Variants in ARHGEF11 observed in about 807,000 individuals in gnomAD.
ARHGEF11 encodes Rho guanine nucleotide exchange factor 11, also known as Rho guanine exchange factor (GEF) 11.
ARHGEF11 carries 55 observed loss-of-function variants against 193.7 expected under a neutral mutation model. The ratio of observed to expected loss-of-function variants is 0.28; its 90% CI spans 0.23 to 0.36. The LOEUF (loss-of-function observed/expected upper bound fraction) is 0.36. Among genes scored for constraint, ARHGEF11 ranks in the 10% least tolerant of loss-of-function variants. The pLI is 1.00. For missense variants in ARHGEF11, 1,723 were observed against 2,005.6 expected, an observed-to-expected ratio of 0.86 and a Z score of 2.69; for synonymous variants, 693 against 768.0, an observed-to-expected ratio of 0.90 and a Z score of 1.62.
At chr1:156,998,394 T>C (rs879419614) in intron 1 of ARHGEF11, among the ~76,000 whole-genome samples, 1 of 152,212 alleles carries the variant, frequency 6.6e-6, no homozygotes, top group Non-Finnish European at 1.5e-5. Flanking sequence ...GGAATTTACA[T>C]TGATATTGAG....
chr1:156,970,510 T>C (rs1409111611), intron 8 of ARHGEF11, among the ~76,000 whole-genome samples: 2 of 152,246 alleles, frequency 1.3e-5, no homozygotes, highest in East Asian at 3.8e-4. Context: ...AAAGCACTTT[T>C]CTATGTCACA....
At chr1:156,963,719 G>C in intron 11 of ARHGEF11, 125 bp from the exon 12 acceptor site, 1 of 1,485,190 alleles carries the variant, frequency 6.7e-7, no homozygotes, top group Non-Finnish European at 8.9e-7. Flanking sequence ...GTGAACGTTG[G>C]CATCTCACTC....
In ARHGEF11 at chr1:156,944,325, G is replaced by T. The variant is rs1307537291; in HGVS notation, c.3067+33C>A. On this transcript the variant is annotated intron_variant, in intron 31 of 40. Coordinates refer to ENST00000368194, the MANE Select transcript of ARHGEF11 (RefSeq NM_198236.3). ...GCCCAGGGAGGCCCACCCACTACAG[G>T]TTCCTGCTCAGTCCCAGTCCCCTGG... 1.9e-6 allele frequency: 3 copies of T among 1,609,346 alleles called. No individual in the cohort carries two copies. The African/African-American group carries it at 4.0e-5, about 22-fold the overall frequency.
At chr1:157,025,792 T>C (rs1465714142) in intron 1 of ARHGEF11, among the ~76,000 whole-genome samples, 7 of 152,132 alleles carry the variant, frequency 4.6e-5, no homozygotes, top group Non-Finnish European at 8.8e-5. Flanking sequence ...GTGTGTCCTA[T>C]GGGAACCCAG....
chr1:156,989,255 TA>T (rs1665380156), intron 1 of ARHGEF11, among the ~76,000 whole-genome samples: 5 of 152,032 alleles, frequency 3.3e-5, no homozygotes, highest in African/African-American at 9.7e-5. Context: ...AAGAAACCTT[TA>T]GGTTCTTTAT....
In ARHGEF11 at chr1:156,986,144, G is replaced by A. The variant is rs1664887921; in HGVS notation, c.62C>T (p.Ser21Phe). ...RLSSLSSLGD[S>F]APERKSPSHH... ...GGAAGGGGACTTGCGCTCTGGTGCA[G>A]AATCTCCCAGAGAAGACAGGCTACT... The change falls in exon 2 of 41, where the codon TCT becomes TTT. Residue 21 changes from serine to phenylalanine, a missense_variant. By Grantham distance (155) the Ser-to-Phe change is radical (BLOSUM62 -2). Coordinates refer to ENST00000368194, the MANE Select transcript of ARHGEF11 (RefSeq NM_198236.3). 1 of 1,613,816 alleles carries A rather than the reference G, an allele frequency of 6.2e-7. No individual in the cohort carries two copies.
intron 35 of ARHGEF11, among the ~76,000 whole-genome samples, chr1:156,940,695 C>T (rs540600200): frequency 1.3e-5 from 2 of 152,236 alleles, no homozygotes; most frequent in African/African-American, 4.8e-5. Context: ...TGTTAGAAGG[C>T]AGTAACTTCC....
Position 156,945,041 on chromosome 1 carries a change from T to C in ARHGEF11, c.2969A>G (p.Asn990Ser). ...LDATALERAS[N>S]PLAAEFKSLD... The stretch of plus-strand genomic sequence containing the variant: ...TACCTTGAACTCTGCTGCCAGGGGG[T>C]TGCTGGCCCTCTCCAGGGCGGTGGC... Residue 990 changes from asparagine (N) to serine (S), a missense_variant, in exon 30 of 41, where the codon AAC becomes AGC. Coordinates refer to ENST00000368194, the MANE Select transcript of ARHGEF11 (RefSeq NM_198236.3). The C allele has an allele frequency of 1.2e-6, 2 of 1,613,916 alleles. No individual in the cohort carries two copies. The highest frequency in any genetic ancestry group is 1.7e-6 in the Non-Finnish European group (2 of 1,179,970).
intron 34 of ARHGEF11, 142 bp downstream of exon 34, chr1:156,941,722 G>T: frequency 3.1e-6 from 4 of 1,288,032 alleles, no homozygotes; most frequent in African/African-American, 1.5e-5. Context: ...TCCTCCATCT[G>T]CCAGCACTTG....
At chr1:156,954,780 G>A (rs759164164) in intron 21 of ARHGEF11, 112 bp downstream of exon 21, 1 of 902,016 alleles carries the variant, frequency 1.1e-6, no homozygotes, top group African/African-American at 1.7e-5. Context: ...AAGAAAGGGA[G>A]GGAGGAGGAA....
intron 1 of ARHGEF11, among the ~76,000 whole-genome samples, chr1:157,039,463 C>T (rs1015865112): frequency 1.4e-4 from 21 of 152,322 alleles, no homozygotes; most frequent in Admixed American, 1.4e-3. Flanking sequence ...GAACTCCAAA[C>T]CTCCTTTCAC....
At chr1:157,007,569 G>C (rs1258340337) in intron 1 of ARHGEF11, among the ~76,000 whole-genome samples, 6 of 152,104 alleles carry the variant, frequency 3.9e-5, no homozygotes, top group Admixed American at 3.9e-4. Context: ...TGTGCGGCGG[G>C]GGGAGGAGTA....
At chr1:157,011,695 A>C (rs1668563559) in intron 1 of ARHGEF11, among the ~76,000 whole-genome samples, 1 of 152,240 alleles carries the variant, frequency 6.6e-6, no homozygotes, top group South Asian at 2.1e-4. Context: ...TTCTCCAAAG[A>C]AGACATACAA....
intron 1 of ARHGEF11, among the ~76,000 whole-genome samples, chr1:156,997,892 C>G (rs571070188): frequency 1.3e-5 from 2 of 151,692 alleles, no homozygotes; most frequent in African/African-American, 4.8e-5. Flanking sequence ...TGTTAAATTA[C>G]ATGTGGTTTG....
chr1:157,004,423 C>T (rs1667573749), intron 1 of ARHGEF11, among the ~76,000 whole-genome samples: 1 of 152,188 alleles, frequency 6.6e-6, no homozygotes, highest in Non-Finnish European at 1.5e-5. Flanking sequence ...GACGTGCTGG[C>T]TCTCAGAAAC....
At chr1:156,959,829 AG>A (rs1185685441) in intron 15 of ARHGEF11, among the ~76,000 whole-genome samples, 1 of 151,948 alleles carries the variant, frequency 6.6e-6, no homozygotes, top group East Asian at 1.9e-4. Context: ...CATGATTAGA[AG>A]GAGAAGGGAG....
chr1:156,955,441 C>T (rs546143165), intron 20 of ARHGEF11, among the ~76,000 whole-genome samples: 2 of 152,322 alleles, frequency 1.3e-5, no homozygotes, highest in East Asian at 1.9e-4. Flanking sequence ...ATGTTTCTCA[C>T]GTGGTCGTTT....
intron 1 of ARHGEF11, among the ~76,000 whole-genome samples, chr1:157,013,526 C>A (rs1224622260): frequency 6.6e-6 from 1 of 152,056 alleles, no homozygotes. Context: ...CCTTTTGGCC[C>A]CTACTTTACT....
At position 156,965,874 on chromosome 1, in the gene ARHGEF11, C is replaced by T. The variant is rs547619838; in HGVS notation, c.963+2113G>A. Reference sequence around the variant, plus strand: ...ACTTCAGCTTCAAGAAACTTAAGAGCTCTGTGTCCTGGATAAGTCCTCCCC... The same window carrying T: ...ACTTCAGCTTCAAGAAACTTAAGAGTTCTGTGTCCTGGATAAGTCCTCCCC... On this transcript the variant is annotated intron_variant, in intron 11 of 40. Coordinates refer to ENST00000368194, the MANE Select transcript of ARHGEF11 (RefSeq NM_198236.3). Among the ~76,000 whole-genome samples the T allele has an allele frequency of 6.2e-4, 95 of 152,306 alleles. 1 individual carries two copies. The highest frequency in any genetic ancestry group is 2.2e-3 in the African/African-American group (93 of 41,550).
Sources: allele counts gnomAD v4.1 joint callset (sites outside exome capture counted in the v4.1 genomes callset), GRCh38; gene constraint gnomAD v4.1.1; transcripts MANE v1.5; gene names NCBI Gene and HGNC (gene_info 2026-07-23, HGNC 2026-07-21).